PAAF1: variants seen among roughly 807,000 people sequenced by gnomAD.
PAAF1 encodes proteasomal ATPase-associated factor 1.
In PAAF1, 46 loss-of-function variants were observed where a neutral mutation model predicts 52.8. The observed-to-expected ratio is 0.87, with a 90% CI of 0.69 to 1.11. The LOEUF is 1.11. PAAF1 is among the 50% of genes most tolerant of loss of function. The pLI is 0.00. For missense variants in PAAF1, 424 were observed against 477.4 expected (o/e 0.89, Z 1.04); for synonymous variants, 178 against 172.8 (o/e 1.03, Z -0.24).
chr11:73,896,286 T>A (rs12289171), intron 4 of PAAF1, among the ~76,000 whole-genome samples: 2 of 138,512 alleles, frequency 1.4e-5, no homozygotes, highest in Non-Finnish European at 3.0e-5. Context: ...TTTCTTTTTT[T>A]CTTTTTTTCT....
At chr11:73,902,247 C>T (rs968559551) in intron 6 of PAAF1, among the ~76,000 whole-genome samples, 1 of 152,160 alleles carries the variant, frequency 6.6e-6, no homozygotes, top group Non-Finnish European at 1.5e-5. Context: ...AACCTAAGTA[C>T]ATAAATGGTT....
chr11:73,876,997 G>A (rs201724282), upstream of PAAF1: 21 of 1,523,374 alleles, frequency 1.4e-5, no homozygotes, highest in Admixed American at 2.1e-5. Context: ...GGCGGAAGAG[G>A]TGGGCTGGTG....
intron 2 of PAAF1, among the ~76,000 whole-genome samples, chr11:73,886,748 A>T (rs939525919): frequency 2.0e-5 from 3 of 149,200 alleles, no homozygotes; most frequent in African/African-American, 7.4e-5. Flanking sequence ...ATTAGAGTTT[A>T]GTGCTATAGT....
intron 7 of PAAF1, among the ~76,000 whole-genome samples, chr11:73,910,989 CAAAAA>C (rs59523527): frequency 1.4e-5 from 1 of 69,478 alleles, no homozygotes; most frequent in Non-Finnish European, 3.0e-5. Flanking sequence ...GACTCTGTCT[CAAAAA>C]AAAAAAAAAA....
At position 73,929,451 on chromosome 11, in the gene PAAF1, G is replaced by A. The variant is rs991502135; in HGVS notation, c.*2089G>A. The A allele has an allele frequency of 2.0e-5, 3 of 152,138 alleles. No homozygotes were observed. Among genetic ancestry groups the A allele is most frequent in the African/African-American group, 7.2e-5 (3 of 41,418 alleles). 9.4% of individuals were successfully genotyped at this position (152,138 alleles called of 1,614,324 possible). A position where few individuals can be genotyped will look rare whatever the true frequency, so the allele number is the denominator to read the frequency against. Reference sequence around the variant, plus strand: ...CTGCAATTCATTTAATATCTACTCTGTTCTAGATACTATATTTATATATCT... The same window carrying A: ...CTGCAATTCATTTAATATCTACTCTATTCTAGATACTATATTTATATATCT... On this transcript the variant is annotated 3_prime_UTR_variant, in exon 12 of 12. Transcript: ENST00000310571.
At chr11:73,888,241 T>C (rs1242391850) in intron 3 of PAAF1, among the ~76,000 whole-genome samples, 2 of 152,242 alleles carry the variant, frequency 1.3e-5, no homozygotes, top group African/African-American at 2.4e-5. Flanking sequence ...ATACTTGATC[T>C]GTATTTAGGT....
intron 9 of PAAF1, among the ~76,000 whole-genome samples, chr11:73,918,511 C>T (rs145690792): frequency 6.8e-6 from 1 of 147,668 alleles, no homozygotes; most frequent in African/African-American, 2.5e-5. Flanking sequence ...GAGTCTTGCT[C>T]TGTAGCCCAG....
chr11:73,908,229 A>ATG (rs1565143377), intron 6 of PAAF1, among the ~76,000 whole-genome samples: 1 of 149,280 alleles, frequency 6.7e-6, no homozygotes, highest in Non-Finnish European at 1.5e-5. Context: ...ATATATATAT[A>ATG]TGTGTGTATA....
intron 7 of PAAF1, among the ~76,000 whole-genome samples, chr11:73,909,814 A>G (rs1192939414): frequency 6.6e-6 from 1 of 152,188 alleles, no homozygotes; most frequent in Non-Finnish European, 1.5e-5. Context: ...AGTACAATCT[A>G]ATGTAGAAGA....
At chr11:73,925,597 ATAT>A (rs1365172832) in intron 11 of PAAF1, among the ~76,000 whole-genome samples, 1 of 152,168 alleles carries the variant, frequency 6.6e-6, no homozygotes, top group African/African-American at 2.4e-5. Context: ...CATTCTATAA[ATAT>A]TATTCATTCT....
At chr11:73,915,301 A>C (rs1340763085) in intron 8 of PAAF1, among the ~76,000 whole-genome samples, 1 of 152,196 alleles carries the variant, frequency 6.6e-6, no homozygotes, top group African/African-American at 2.4e-5. Context: ...ATGTGAAAAA[A>C]TTCTGAGTAA....
At chr11:73,920,373 A>C (rs1950180619) in intron 10 of PAAF1, among the ~76,000 whole-genome samples, 1 of 151,966 alleles carries the variant, frequency 6.6e-6, no homozygotes, top group Admixed American at 6.6e-5. Context: ...TCTCTACAAA[A>C]AATAAAAATT....
intron 4 of PAAF1, among the ~76,000 whole-genome samples, chr11:73,896,138 G>A (rs982904192): frequency 1.1e-4 from 16 of 151,706 alleles, no homozygotes; most frequent in African/African-American, 3.6e-4. Context: ...ATAAAAGTGA[G>A]TTTGGAAAAC....
chr11:73,906,972 A>G (rs1949775241), intron 6 of PAAF1, among the ~76,000 whole-genome samples: 1 of 152,158 alleles, frequency 6.6e-6, no homozygotes, highest in African/African-American at 2.4e-5. Flanking sequence ...CTGGATCACC[A>G]TAGGGTTGCA....
rs539084700 is a variant in PAAF1 at position 73,927,867 on chromosome 11, A to C, written c.*505A>C. The C allele has an allele frequency of 6.4e-6, 1 of 155,656 alleles. No homozygotes were observed. Among genetic ancestry groups the C allele is most frequent in the East Asian group, 1.9e-4 (1 of 5,266 alleles). 9.6% of individuals were successfully genotyped at this position (155,656 alleles called of 1,614,324 possible). A position where few individuals can be genotyped will look rare whatever the true frequency, so the allele number is the denominator to read the frequency against. On this transcript the variant is annotated 3_prime_UTR_variant, in exon 12 of 12. Coordinates refer to ENST00000310571, the MANE Select transcript of PAAF1 (RefSeq NM_025155.3). ...TGGCAGTAGCAATAAATGTCCTGTA[A>C]GCTGCCACCTGGGAGAGATTCTTAT...
chr11:73,915,388 C>T (rs1038898483), intron 8 of PAAF1, among the ~76,000 whole-genome samples: 2 of 152,152 alleles, frequency 1.3e-5, no homozygotes, highest in Non-Finnish European at 2.9e-5. Flanking sequence ...GGGTGGATTG[C>T]TTGAGTCCAG....
chr11:73,901,870 CTTT>C (rs35218096), intron 6 of PAAF1, among the ~76,000 whole-genome samples: 17 of 128,186 alleles, frequency 1.3e-4, no homozygotes, highest in Admixed American at 1.6e-4. Context: ...TGCGCCTTGC[CTTT>C]TTTTTTTTTT....
chr11:73,877,592 A>G (rs1328428666), intron 1 of PAAF1, among the ~76,000 whole-genome samples: 1 of 152,172 alleles, frequency 6.6e-6, no homozygotes, highest in African/African-American at 2.4e-5. Flanking sequence ...CTCTTCAAGA[A>G]GCTGACATCC....
chr11:73,895,969 A>G lies in PAAF1; in HGVS notation c.283-3177A>G, dbSNP rs181471448. ...AAAAAAAAGTTAAAAAATTAGCTGG[A>G]CATGCCAGCCCATGTTTGTAATCTC... On this transcript the variant is annotated intron_variant, in intron 4 of 11. Transcript: ENST00000310571. Among the ~76,000 whole-genome samples the G allele has an allele frequency of 8.7e-4, 132 of 152,322 alleles. 1 individual carries two copies. The highest frequency in any genetic ancestry group is 3.4e-3 in the Middle Eastern group (1 of 294).
Sources: gnomAD v4.1 joint callset for allele counts (sites outside exome capture counted in the v4.1 genomes callset) on GRCh38, gnomAD v4.1.1 for gene constraint, MANE v1.5 for transcripts, NCBI Gene and HGNC (gene_info 2026-07-23, HGNC 2026-07-21) for gene names.